The following SRPK2 variants were observed in gnomAD, a reference collection of about 807,000 sequenced individuals.
SRPK2 encodes SRSF protein kinase 2.
A neutral mutation model predicts 90.8 loss-of-function variants in SRPK2; 21 were observed. That is an observed-to-expected ratio of 0.23 (90% CI 0.16 to 0.33). The LOEUF is 0.33. Ranked by LOEUF, SRPK2 falls within the 10% of genes least tolerant of loss-of-function variation. SRPK2 has a pLI of 1.00. For missense variants in SRPK2, 620 were observed against 869.0 expected, an observed-to-expected ratio of 0.71 and a Z score of 3.60; for synonymous variants, 288 against 311.1, an observed-to-expected ratio of 0.93 and a Z score of 0.78.
chr7:105,162,841 A>G (rs1268447631), intron 6 of SRPK2, among the ~76,000 whole-genome samples: 2 of 152,240 alleles, frequency 1.3e-5, no homozygotes, highest in African/African-American at 2.4e-5. Flanking sequence ...AATACCCACT[A>G]GAACGTATAT....
chr7:105,262,852 G>GA (rs992834677), intron 2 of SRPK2, among the ~76,000 whole-genome samples: 1 of 151,882 alleles, frequency 6.6e-6, no homozygotes, highest in East Asian at 1.9e-4. Flanking sequence ...GTAAGAGAAG[G>GA]AAAAAAATAT....
chr7:105,254,137 T>C (rs960776109), intron 2 of SRPK2, among the ~76,000 whole-genome samples: 3 of 152,334 alleles, frequency 2.0e-5, no homozygotes, highest in Non-Finnish European at 4.4e-5. Flanking sequence ...TGATGAATCT[T>C]TTACCTCGTT....
intron 1 of SRPK2, among the ~76,000 whole-genome samples, chr7:105,397,969 A>G (rs1188407092): frequency 6.6e-6 from 1 of 152,172 alleles, no homozygotes; most frequent in East Asian, 1.9e-4. Context: ...AATTTTTAAG[A>G]TAAATAATGT....
intron 2 of SRPK2, among the ~76,000 whole-genome samples, chr7:105,369,125 T>TTTATTATTATTATTATTATTA (rs10593124): frequency 7.0e-6 from 1 of 143,318 alleles, no homozygotes; most frequent in South Asian, 2.2e-4. Flanking sequence ...CAAGATTTAT[T>TTTATTATTATTATTATTATTA]TTATTATTAT....
chr7:105,301,570 T>C, intron 2 of SRPK2: 1 of 1,583,186 alleles, frequency 6.3e-7, no homozygotes, highest in Non-Finnish European at 8.7e-7. Flanking sequence ...ACGCTCTATT[T>C]ATGAAGGAGA....
At chr7:105,303,588 CAT>C (rs1301448598) in intron 2 of SRPK2, among the ~76,000 whole-genome samples, 1 of 151,752 alleles carries the variant, frequency 6.6e-6, no homozygotes, top group Non-Finnish European at 1.5e-5. Context: ...AAAATTAATT[CAT>C]ATTACTAAAA....
chr7:105,159,482 A>G (rs1039834792), intron 7 of SRPK2, among the ~76,000 whole-genome samples: 6 of 147,510 alleles, frequency 4.1e-5, no homozygotes, highest in African/African-American at 1.5e-4. Flanking sequence ...AACCGTACAA[A>G]AGGAAGAAGA....
intron 2 of SRPK2, among the ~76,000 whole-genome samples, chr7:105,381,290 A>C (rs1249525802): frequency 6.6e-6 from 1 of 152,140 alleles, no homozygotes; most frequent in African/African-American, 2.4e-5. Flanking sequence ...ATTAAAATGA[A>C]ATCTGGCCAG....
intron 2 of SRPK2, among the ~76,000 whole-genome samples, chr7:105,264,564 T>C (rs1458382753): frequency 6.6e-6 from 1 of 152,032 alleles, no homozygotes; most frequent in African/African-American, 2.4e-5. Flanking sequence ...GAATTCAGTA[T>C]TGGCTAGCTA....
At chr7:105,355,914 T>C (rs966725327) in intron 2 of SRPK2, among the ~76,000 whole-genome samples, 1 of 152,022 alleles carries the variant, frequency 6.6e-6, no homozygotes, top group East Asian at 1.9e-4. Flanking sequence ...CCAGGCGTGG[T>C]GGCATCTGCC....
chr7:105,138,864 A>T (rs1803275634), intron 11 of SRPK2, among the ~76,000 whole-genome samples: 1 of 152,214 alleles, frequency 6.6e-6, no homozygotes, highest in African/African-American at 2.4e-5. Context: ...GTTACAATGG[A>T]GGACGTTCTA....
At chr7:105,263,298 G>C (rs1241207742) in intron 2 of SRPK2, among the ~76,000 whole-genome samples, 2 of 151,770 alleles carry the variant, frequency 1.3e-5, no homozygotes, top group African/African-American at 4.8e-5. Flanking sequence ...ACTCCAGCCT[G>C]GGCAAAAGAG....
intron 15 of SRPK2, among the ~76,000 whole-genome samples, chr7:105,122,458 A>G (rs547136750): frequency 1.3e-5 from 2 of 152,342 alleles, no homozygotes; most frequent in South Asian, 4.1e-4. Context: ...GGAGGGATAA[A>G]CAAGAGGAGT....
At chr7:105,309,618 G>A (rs1230672695) in intron 2 of SRPK2, among the ~76,000 whole-genome samples, 2 of 152,238 alleles carry the variant, frequency 1.3e-5, no homozygotes, top group Non-Finnish European at 1.5e-5. Flanking sequence ...AATACCTAGT[G>A]AACAACTATC....
At chr7:105,365,550 C>T (rs1396518983) in intron 2 of SRPK2, among the ~76,000 whole-genome samples, 1 of 148,878 alleles carries the variant, frequency 6.7e-6, no homozygotes, top group Non-Finnish European at 1.5e-5. Context: ...CAATGGCTCT[C>T]ACATCTGTAA....
chr7:105,185,989 C>A (rs573086086), intron 3 of SRPK2, among the ~76,000 whole-genome samples: 1 of 152,296 alleles, frequency 6.6e-6, no homozygotes, highest in South Asian at 2.1e-4. Context: ...TGGAAGTCTG[C>A]ATCTTTTTAT....
intron 2 of SRPK2, among the ~76,000 whole-genome samples, chr7:105,255,387 C>T (rs1803129828): frequency 6.6e-6 from 1 of 151,962 alleles, no homozygotes; most frequent in African/African-American, 2.4e-5. Context: ...TCTCTGACCC[C>T]CTTTTTTCTA....
chr7:105,268,871 T>C (rs1439127359), intron 2 of SRPK2: 2 of 1,585,570 alleles, frequency 1.3e-6, no homozygotes, highest in Non-Finnish European at 8.6e-7. Flanking sequence ...GCTTGATTTC[T>C]GGAAAAATCA....
chr7:105,249,878 G>A (rs1334793504), intron 2 of SRPK2, among the ~76,000 whole-genome samples: 1 of 152,158 alleles, frequency 6.6e-6, no homozygotes, highest in Admixed American at 6.5e-5. Context: ...ATTCTCAAAT[G>A]TGGAGATTCC....
Sources: allele counts gnomAD v4.1 joint callset (sites outside exome capture counted in the v4.1 genomes callset), GRCh38; gene constraint gnomAD v4.1.1; transcripts MANE v1.5; gene names NCBI Gene and HGNC (gene_info 2026-07-23, HGNC 2026-07-21).